COL21A1: variants seen among roughly 807,000 people sequenced by gnomAD.
COL21A1 encodes the protein collagen type XXI alpha 1 chain.
COL21A1 carries 149 observed loss-of-function variants against 137.9 expected under a neutral mutation model. The observed-to-expected ratio is 1.08, with a 90% confidence interval of 0.95 to 1.24. The LOEUF is 1.24. Among genes scored for constraint, COL21A1 ranks in the 50% most tolerant of loss-of-function variants. The pLI, the probability that COL21A1 is intolerant of heterozygous loss-of-function variation, is 0.00. For missense variants in COL21A1, 1,167 were observed against 1,158.4 expected (o/e 1.01, Z -0.11); for synonymous variants, 456 against 391.5 (o/e 1.16, Z -1.95).
chr6:56,244,809 A>G (rs1255204584), intron 1 of COL21A1, among the ~76,000 whole-genome samples: 1 of 152,244 alleles, frequency 6.6e-6, no homozygotes, highest in African/African-American at 2.4e-5. Context: ...AATTAATTTC[A>G]AAGTACAGAA....
At chr6:56,339,346 G>A (rs1057374761) in intron 1 of COL21A1, among the ~76,000 whole-genome samples, 14 of 142,222 alleles carry the variant, frequency 9.8e-5, no homozygotes, top group South Asian at 4.9e-4. Flanking sequence ...TTATTACTGC[G>A]TTTAATAAAA....
chr6:56,111,077 A>G (rs925886140), intron 16 of COL21A1, among the ~76,000 whole-genome samples: 8 of 151,894 alleles, frequency 5.3e-5, no homozygotes, highest in African/African-American at 9.7e-5. Context: ...AATATCACCA[A>G]TGAATTTTCA....
At chr6:56,270,640 C>T (rs958858919) in intron 1 of COL21A1, among the ~76,000 whole-genome samples, 3 of 152,234 alleles carry the variant, frequency 2.0e-5, no homozygotes, top group African/African-American at 7.2e-5. Context: ...ATGTTTCTCT[C>T]ACCCTAATCT....
rs992313302 is a variant in COL21A1 at position 56,069,681 on chromosome 6, T to C, written c.2020-564A>G. Among the ~76,000 whole-genome samples, 5 of 150,592 alleles carry C rather than the reference T, an allele frequency of 3.3e-5. No homozygotes were observed. The South Asian group carries it at 1.0e-3, about 31-fold the overall frequency. On this transcript the variant is annotated intron_variant, in intron 21 of 29. Coordinates refer to ENST00000244728, the MANE Select transcript of COL21A1 (RefSeq NM_030820.4). ...ACATGCATAATTTTATCTTTTAATCTCTAAATATATTAATATTATAAAGTT... is the reference window on the plus strand; with the variant it reads ...ACATGCATAATTTTATCTTTTAATCCCTAAATATATTAATATTATAAAGTT...
chr6:56,139,459 T>C (rs957843989), intron 12 of COL21A1, among the ~76,000 whole-genome samples: 16 of 150,854 alleles, frequency 1.1e-4, no homozygotes, highest in African/African-American at 3.9e-4. Context: ...AGCCCCCAAA[T>C]CTCACACACA....
chr6:56,192,282 A>G (rs1778738045), intron 1 of COL21A1, among the ~76,000 whole-genome samples: 1 of 152,228 alleles, frequency 6.6e-6, no homozygotes, highest in Non-Finnish European at 1.5e-5. Context: ...TTCAGGACAT[A>G]GGCATGGGCA....
intron 1 of COL21A1, among the ~76,000 whole-genome samples, chr6:56,297,128 T>G (rs1243402270): frequency 6.6e-6 from 1 of 152,098 alleles, no homozygotes; most frequent in Non-Finnish European, 1.5e-5. Flanking sequence ...TTTTTAATTT[T>G]TAAAGGAGGG....
rs9475561 is a variant in COL21A1 at position 56,102,813 on chromosome 6, A to T, written c.1759-1288T>A. Among the ~76,000 whole-genome samples the T allele has an allele frequency of 7.2e-3, 1,097 of 152,288 alleles. 16 individuals are homozygous for T. The highest frequency in any genetic ancestry group is 0.025 in the African/African-American group (1,032 of 41,564). ...AACTAAAGCCAAATATTTCATCTAT[A>T]CCAGTTTTATTTATAAACACTAGTT... On this transcript the variant is annotated intron_variant, in intron 16 of 29. Coordinates refer to ENST00000244728, the MANE Select transcript of COL21A1 (RefSeq NM_030820.4).
intron 1 of COL21A1, among the ~76,000 whole-genome samples, chr6:56,382,069 A>C (rs1438002793): frequency 6.6e-6 from 1 of 152,196 alleles, no homozygotes; most frequent in East Asian, 1.9e-4. Context: ...CTGTTTGACA[A>C]GGGTTCGATT....
At chr6:56,176,470 T>G (rs908563525) in intron 3 of COL21A1, among the ~76,000 whole-genome samples, 1 of 151,722 alleles carries the variant, frequency 6.6e-6, no homozygotes, top group Admixed American at 6.6e-5. Flanking sequence ...AAATAAACAT[T>G]TCTCCAAAAA....
chr6:56,150,890 T>C (rs1002820144), intron 10 of COL21A1, among the ~76,000 whole-genome samples: 1 of 152,102 alleles, frequency 6.6e-6, no homozygotes, highest in Non-Finnish European at 1.5e-5. Flanking sequence ...TCTCTAATGA[T>C]CAGCTTGGGC....
intron 16 of COL21A1, among the ~76,000 whole-genome samples, chr6:56,104,577 A>G (rs990781817): frequency 1.3e-5 from 2 of 152,188 alleles, no homozygotes; most frequent in Admixed American, 1.3e-4. Flanking sequence ...AACCTGGTGC[A>G]GGTCAGTTTG....
At chr6:56,191,553 C>A (rs1778679826) in intron 1 of COL21A1, among the ~76,000 whole-genome samples, 1 of 148,354 alleles carries the variant, frequency 6.7e-6, no homozygotes, top group Non-Finnish European at 1.5e-5. Context: ...GATCACACCA[C>A]TGCACTCCAG....
intron 1 of COL21A1, among the ~76,000 whole-genome samples, chr6:56,325,016 A>G (rs1314324367): frequency 6.6e-6 from 1 of 151,148 alleles, no homozygotes; most frequent in Non-Finnish European, 1.5e-5. Flanking sequence ...CTAGTTTATT[A>G]CCATTAGATC....
intron 9 of COL21A1, among the ~76,000 whole-genome samples, chr6:56,160,551 G>A (rs1320669717): frequency 6.6e-6 from 1 of 152,108 alleles, no homozygotes; most frequent in Admixed American, 6.5e-5. Context: ...TTAGACACAT[G>A]ACTTATTATT....
At chr6:56,125,964 CTT>C (rs1347522739) in intron 13 of COL21A1, 130 bp downstream of exon 13, 14 of 562,074 alleles carry the variant, frequency 2.5e-5, no homozygotes, top group Non-Finnish European at 4.3e-5. Flanking sequence ...TAATATTAAT[CTT>C]AGCCCATTGT....
chr6:56,111,896 A>G (rs1771461499), intron 16 of COL21A1, among the ~76,000 whole-genome samples: 1 of 151,962 alleles, frequency 6.6e-6, no homozygotes, highest in South Asian at 2.1e-4. Flanking sequence ...AAAAAGAAAA[A>G]ACTTTAACAC....
intron 1 of COL21A1, among the ~76,000 whole-genome samples, chr6:56,360,995 G>A (rs958251145): frequency 2.0e-5 from 3 of 152,156 alleles, no homozygotes; most frequent in Admixed American, 1.3e-4. Context: ...CAGCTACTTA[G>A]GAGGCTGAGA....
intron 1 of COL21A1, among the ~76,000 whole-genome samples, chr6:56,252,873 C>T (rs974161141): frequency 6.6e-6 from 1 of 152,080 alleles, no homozygotes; most frequent in Non-Finnish European, 1.5e-5. Context: ...ATACCATTTC[C>T]CTGGGGCTTT....
Sources: gnomAD v4.1 joint callset for allele counts (sites outside exome capture counted in the v4.1 genomes callset) on GRCh38, gnomAD v4.1.1 for gene constraint, MANE v1.5 for transcripts, NCBI Gene and HGNC (gene_info 2026-07-23, HGNC 2026-07-21) for gene names.